C6orf163: variants seen among roughly 807,000 people sequenced by gnomAD.
C6orf163 encodes the protein chromosome 6 open reading frame 163.
C6orf163 carries 22 observed loss-of-function variants against 28.4 expected under a neutral mutation model. The ratio of observed to expected loss-of-function variants is 0.78; its 90% CI spans 0.55 to 1.11. The LOEUF (loss-of-function observed/expected upper bound fraction) is 1.11. C6orf163 is among the 50% of genes least tolerant of loss of function. The probability of loss-of-function intolerance (pLI) is 0.00; values close to 1 mark genes in which losing one functional copy is unlikely to be tolerated. For synonymous variants in C6orf163, 110 were observed against 123.6 expected (o/e 0.89, Z 0.73); for missense variants, 342 against 389.1 (o/e 0.88, Z 1.02).
At chr6:87,357,828 G>T (rs1480931911) in intron 4 of C6orf163, 1 of 152,214 alleles carries the variant, frequency 6.6e-6, no homozygotes, top group Non-Finnish European at 1.5e-5. Flanking sequence ...TCCTCTGTGA[G>T]GTTTGATGGA....
chr6:87,352,758 A>G (rs1013459849), intron 3 of C6orf163, among the ~76,000 whole-genome samples: 1 of 152,188 alleles, frequency 6.6e-6, no homozygotes, highest in Non-Finnish European at 1.5e-5. Flanking sequence ...CTGGCAGCCA[A>G]TGCAAAGAGA....
At chr6:87,347,507 C>T in intron 1 of C6orf163, 1 of 985,420 alleles carries the variant, frequency 1.0e-6, no homozygotes, top group Non-Finnish European at 1.2e-6. Flanking sequence ...CTAATTATTT[C>T]TACACAATGT....
intron 3 of C6orf163, among the ~76,000 whole-genome samples, chr6:87,353,398 G>A (rs754248674): frequency 1.7e-4 from 25 of 151,280 alleles, no homozygotes; most frequent in Non-Finnish European, 3.5e-4. Flanking sequence ...ATTACACATT[G>A]TATGCCTATA....
chr6:87,365,097 G>A lies in C6orf163; in HGVS notation c.691G>A (p.Glu231Lys). The change falls in exon 5 of 5, where the codon GAG (glutamate) becomes AAG (lysine). Residue 231 changes from glutamate to lysine, a missense_variant. Transcript: ENST00000388923. Reference protein sequence around the residue: ...YGIAQRQRQEEVQEVLQEAEK... With the variant: ...YGIAQRQRQEKVQEVLQEAEK... ...CATAGCTCAGAGGCAGAGGCAAGAA[G>A]AGGTACAGGAAGTGCTTCAAGAAGC... 6.4e-7 allele frequency: 1 copy of A among 1,552,054 alleles called. No homozygotes were observed. Among genetic ancestry groups the A allele is most frequent in the Non-Finnish European group, 8.7e-7 (1 of 1,147,076 alleles).
At chr6:87,350,544 A>G in intron 3 of C6orf163, 43 bp downstream of exon 3, 3 of 1,157,050 alleles carry the variant, frequency 2.6e-6, no homozygotes, top group South Asian at 2.9e-5. Flanking sequence ...AAGTAATTAC[A>G]TTAGTAAAAA....
chr6:87,355,783 G>A (rs1481854570), intron 3 of C6orf163, among the ~76,000 whole-genome samples: 1 of 152,124 alleles, frequency 6.6e-6, no homozygotes, highest in Middle Eastern at 3.2e-3. Flanking sequence ...CAGGCACACT[G>A]TGGATTTCCA....
At chr6:87,353,444 A>T (rs533673932) in intron 3 of C6orf163, among the ~76,000 whole-genome samples, 2 of 145,490 alleles carry the variant, frequency 1.4e-5, no homozygotes, top group Non-Finnish European at 3.0e-5. Context: ...ATTGAAAATT[A>T]AAAAAAAAAA....
At chr6:87,350,361 C>T (rs1299594926) in intron 2 of C6orf163, 33 bp from the exon 3 acceptor site, 11 of 1,317,182 alleles carry the variant, frequency 8.4e-6, no homozygotes, top group African/African-American at 1.5e-5. Flanking sequence ...TATTCTGATA[C>T]ATTAATAGAT....
chr6:87,357,945 G>T (rs1414402501), intron 4 of C6orf163: 1 of 152,166 alleles, frequency 6.6e-6, no homozygotes, highest in African/African-American at 2.4e-5. Context: ...GTTTATTGAT[G>T]TTTCCCAAGT....
intron 4 of C6orf163, among the ~76,000 whole-genome samples, chr6:87,361,116 C>G (rs1777574176): frequency 6.6e-6 from 1 of 151,994 alleles, no homozygotes; most frequent in African/African-American, 2.4e-5. Flanking sequence ...AAAACCCTGT[C>G]TCTACAAAAA....
intron 1 of C6orf163, 102 bp from the exon 2 acceptor site, chr6:87,348,710 C>A: frequency 6.8e-7 from 1 of 1,464,164 alleles, no homozygotes. Context: ...CCTAAAAGGA[C>A]GTGTCTCCTA....
At chr6:87,347,322 T>TA (rs926802688) in intron 1 of C6orf163, 3 of 881,998 alleles carry the variant, frequency 3.4e-6, no homozygotes, top group East Asian at 1.2e-4. Context: ...TGTGCATTTT[T>TA]AAAAAAAGCT....
At chr6:87,361,195 G>A (rs1371846385) in intron 4 of C6orf163, among the ~76,000 whole-genome samples, 1 of 152,100 alleles carries the variant, frequency 6.6e-6, no homozygotes, top group Admixed American at 6.5e-5. Context: ...TGAGGTGGGA[G>A]GATTGCTTGA....
At chr6:87,360,267 C>T (rs1032164934) in intron 4 of C6orf163, among the ~76,000 whole-genome samples, 9 of 125,212 alleles carry the variant, frequency 7.2e-5, no homozygotes, top group Non-Finnish European at 1.5e-4. Flanking sequence ...CTTTCTAGGC[C>T]CTCTTTCGAT....
chr6:87,345,482 A>G (rs1334459702), intron 1 of C6orf163, among the ~76,000 whole-genome samples: 1 of 152,180 alleles, frequency 6.6e-6, no homozygotes, highest in East Asian at 1.9e-4. Flanking sequence ...ACTAATACCT[A>G]TCTTACAGGT....
intron 4 of C6orf163, among the ~76,000 whole-genome samples, chr6:87,359,626 A>G (rs1777553942): frequency 6.6e-6 from 1 of 152,238 alleles, no homozygotes; most frequent in South Asian, 2.1e-4. Context: ...ATCAATTGCT[A>G]CTATGGACTT....
At chr6:87,354,551 T>G (rs1463701158) in intron 3 of C6orf163, among the ~76,000 whole-genome samples, 1 of 152,226 alleles carries the variant, frequency 6.6e-6, no homozygotes, top group Non-Finnish European at 1.5e-5. Context: ...AATATTCTTT[T>G]GTCAAAAAAA....
At chr6:87,355,254 A>C (rs1380021925) in intron 3 of C6orf163, among the ~76,000 whole-genome samples, 1 of 152,204 alleles carries the variant, frequency 6.6e-6, no homozygotes, top group East Asian at 1.9e-4. Flanking sequence ...ATGTCTTCCC[A>C]AATAGAGATA....
chr6:87,362,881 A>G (rs143531393), intron 4 of C6orf163, among the ~76,000 whole-genome samples: 2 of 152,310 alleles, frequency 1.3e-5, no homozygotes, highest in African/African-American at 4.8e-5. Flanking sequence ...TAAAACCTCA[A>G]ATCTTTGAGG....
Sources: allele counts gnomAD v4.1 joint callset (sites outside exome capture counted in the v4.1 genomes callset), GRCh38; gene constraint gnomAD v4.1.1; transcripts MANE v1.5; gene names NCBI Gene and HGNC (gene_info 2026-07-23, HGNC 2026-07-21).